Variants in RBPMS2 observed in about 807,000 individuals in gnomAD.
RBPMS2 encodes the protein RNA binding protein, mRNA processing factor 2.
Under a neutral mutation model 25.7 loss-of-function variants are expected in RBPMS2, and 14 were observed. That is an observed-to-expected ratio of 0.55 (90% CI 0.36 to 0.85). The LOEUF is 0.85. Among genes scored for constraint, RBPMS2 ranks in the 40% least tolerant of loss-of-function variants. The pLI is 0.01. For synonymous variants in RBPMS2, 127 were observed against 115.6 expected, an observed-to-expected ratio of 1.10 and a Z score of -0.63; for missense variants, 252 against 283.4, an observed-to-expected ratio of 0.89 and a Z score of 0.80.
At chr15:64,761,964 C>A (rs1366986222) in intron 1 of RBPMS2, among the ~76,000 whole-genome samples, 1 of 152,026 alleles carries the variant, frequency 6.6e-6, no homozygotes, top group Admixed American at 6.6e-5. Flanking sequence ...TCCGCCTCAG[C>A]ATCCCAAAGT....
intron 1 of RBPMS2, among the ~76,000 whole-genome samples, chr15:64,752,960 C>A (rs1289052650): frequency 6.6e-6 from 1 of 152,134 alleles, no homozygotes; most frequent in East Asian, 1.9e-4. Flanking sequence ...CAAGCCAGAT[C>A]TAAACACTAG....
chr15:64,752,253 C>T (rs1332877533), intron 1 of RBPMS2, among the ~76,000 whole-genome samples: 3 of 151,978 alleles, frequency 2.0e-5, no homozygotes, highest in African/African-American at 7.3e-5. Context: ...ACCACTGGCC[C>T]CTCAGACAAA....
At chr15:64,764,765 A>C (rs2083827084) in intron 1 of RBPMS2, among the ~76,000 whole-genome samples, 1 of 150,694 alleles carries the variant, frequency 6.6e-6, no homozygotes, top group Non-Finnish European at 1.5e-5. Context: ...AAAGTAAAAA[A>C]AAATTAGCCG....
chr15:64,771,716 T>G (rs745307421), intron 1 of RBPMS2, among the ~76,000 whole-genome samples: 2 of 151,538 alleles, frequency 1.3e-5, no homozygotes, highest in Non-Finnish European at 2.9e-5. Flanking sequence ...TCCCAGCACT[T>G]TGGGAGACTG....
Position 64,775,258 on chromosome 15 carries a change from C to A in RBPMS2, c.62G>T (p.Gly21Val). The change falls in exon 1 of 8, where the codon GGC becomes GTC. Residue 21 changes from glycine to valine, a missense_variant. Coordinates refer to ENST00000300069, the MANE Select transcript of RBPMS2 (RefSeq NM_194272.3). ...CTCCTCCTCCAGGGCGCCGCCGGAG[C>A]CCGCGCCGGAGCCGGTGCCGGTGCT... ...GGSTGTGSGA[G>V]SGGALEEEVR... 7.5e-7 allele frequency: 1 copy of A among 1,334,994 alleles called. No homozygotes were observed. Among genetic ancestry groups the A allele is most frequent in the Admixed American group, 3.0e-5 (1 of 33,508 alleles). The allele number at this position is 1,334,994 out of a possible 1,614,324, so 82.7% of individuals were successfully genotyped here.
At chr15:64,758,650 G>T (rs546985045) in intron 1 of RBPMS2, among the ~76,000 whole-genome samples, 1 of 152,046 alleles carries the variant, frequency 6.6e-6, no homozygotes, top group African/African-American at 2.4e-5. Flanking sequence ...ACCAACTTTT[G>T]GCACAACTGC....
chr15:64,746,585 G>A (rs1295741337), intron 6 of RBPMS2, among the ~76,000 whole-genome samples: 1 of 152,162 alleles, frequency 6.6e-6, no homozygotes, highest in East Asian at 1.9e-4. Context: ...GTGTGGATGG[G>A]GTGGGAGAAA....
chr15:64,756,509 C>T (rs1305989629), intron 1 of RBPMS2, among the ~76,000 whole-genome samples: 1 of 148,334 alleles, frequency 6.7e-6, no homozygotes, highest in Non-Finnish European at 1.5e-5. Flanking sequence ...AGAGCAAGAC[C>T]CTGTCTCAAA....
At chr15:64,768,033 G>A (rs1401414525) in intron 1 of RBPMS2, among the ~76,000 whole-genome samples, 1 of 152,204 alleles carries the variant, frequency 6.6e-6, no homozygotes, top group African/African-American at 2.4e-5. Flanking sequence ...TTGCCCGTAT[G>A]TGGAAAAGGA....
Position 64,741,194 on chromosome 15 carries a change from G to A in RBPMS2, c.616C>T (p.Arg206Cys), listed in dbSNP as rs147894930. The change falls in exon 7 of 8, where the codon CGT becomes TGT. Residue 206 changes from arginine to cysteine, a missense_variant. Coordinates refer to ENST00000300069, the MANE Select transcript of RBPMS2 (RefSeq NM_194272.3). Reference sequence around the variant, plus strand: ...TTACTGAAAAACTAACAGAACTGACGGTACTTCCATCCTTGCTGGGTGGTG... The same window carrying A: ...TTACTGAAAAACTAACAGAACTGACAGTACTTCCATCCTTGCTGGGTGGTG... ...SDTTQQGWKY[R>C]QFC 14 of 1,587,112 alleles carry A rather than the reference G, an allele frequency of 8.8e-6. No homozygotes were observed. The highest frequency in any genetic ancestry group is 5.4e-5 in the Admixed American group (3 of 55,884).
intron 1 of RBPMS2, among the ~76,000 whole-genome samples, chr15:64,768,796 TAAA>T (rs77525133): frequency 2.1e-5 from 3 of 142,526 alleles, no homozygotes; most frequent in African/African-American, 2.6e-5. Flanking sequence ...ACCCCGTCTA[TAAA>T]AAAAAAAAAA....
intron 1 of RBPMS2, among the ~76,000 whole-genome samples, chr15:64,758,298 CA>C (rs907140103): frequency 6.6e-6 from 1 of 152,080 alleles, no homozygotes; most frequent in African/African-American, 2.4e-5. Context: ...ACAGCCCTTC[CA>C]AAAAAGTCAC....
intron 6 of RBPMS2, among the ~76,000 whole-genome samples, chr15:64,747,445 C>T (rs755986886): frequency 6.6e-6 from 1 of 152,140 alleles, no homozygotes; most frequent in Non-Finnish European, 1.5e-5. Flanking sequence ...AACCTCAATT[C>T]TCTCCTTCGC....
In RBPMS2 at chr15:64,750,509, C is replaced by T. The variant is rs560749209; in HGVS notation, c.166-128G>A. 48 of 801,528 alleles carry T rather than the reference C, an allele frequency of 6.0e-5. 1 individual carries two copies. In the South Asian group the frequency reaches 6.2e-4, roughly 10 times the overall value. The allele number at this position is 801,528 out of a possible 1,614,324, so 49.7% of individuals were successfully genotyped here. On this transcript the variant is annotated intron_variant, in intron 2 of 7. Transcript: ENST00000300069. ...ACACCCTTCTCCCTGTCAACATCAA[C>T]CCACCCTGACCTCCGCCACTGCCAA...
chr15:64,741,152 G>A (rs1266208034), intron 7 of RBPMS2, 21 bp downstream of exon 7: 1 of 1,547,268 alleles, frequency 6.5e-7, no homozygotes, highest in South Asian at 1.2e-5. Context: ...CTTGTCCTGG[G>A]CCTCTGGGGC....
At chr15:64,750,723 T>C (rs1408791345) in intron 2 of RBPMS2, among the ~76,000 whole-genome samples, 1 of 152,196 alleles carries the variant, frequency 6.6e-6, no homozygotes, top group Non-Finnish European at 1.5e-5. Context: ...AAAGATTCTT[T>C]ATATAACCAC....
chr15:64,740,311 A>G lies in RBPMS2; in HGVS notation c.*697T>C, dbSNP rs1431585180. 2 of 152,352 alleles carry G rather than the reference A, an allele frequency of 1.3e-5. No individual in the cohort carries two copies. The highest frequency in any genetic ancestry group is 4.8e-5 in the African/African-American group (2 of 41,456). The allele number at this position is 152,352 out of a possible 1,614,324, so 9.4% of individuals were successfully genotyped here. ...TCGAGGTTTGGAAAGAATGAGGAGC[A>G]GCGGCGGGCGGGGTGCGCTGTGGAG... On this transcript the variant is annotated 3_prime_UTR_variant, in exon 8 of 8. Transcript: ENST00000300069.
At chr15:64,771,718 G>A (rs1391978278) in intron 1 of RBPMS2, among the ~76,000 whole-genome samples, 1 of 151,852 alleles carries the variant, frequency 6.6e-6, no homozygotes, top group Admixed American at 6.6e-5. Flanking sequence ...CCAGCACTTT[G>A]GGAGACTGAG....
intron 6 of RBPMS2, among the ~76,000 whole-genome samples, chr15:64,747,677 G>T (rs2083631150): frequency 6.6e-6 from 1 of 152,170 alleles, no homozygotes. Flanking sequence ...CTGCACTTGT[G>T]GCCAAGTCAG....
Sources: gnomAD v4.1 joint callset for allele counts (sites outside exome capture counted in the v4.1 genomes callset) on GRCh38, gnomAD v4.1.1 for gene constraint, MANE v1.5 for transcripts, NCBI Gene and HGNC (gene_info 2026-07-23, HGNC 2026-07-21) for gene names.